Variants in TSPAN9 observed in about 807,000 individuals in gnomAD.
TSPAN9 encodes the protein tetraspanin-9.
A neutral mutation model predicts 31.0 loss-of-function variants in TSPAN9; 16 were observed. The observed-to-expected ratio is 0.52, with a 90% CI of 0.35 to 0.78. TSPAN9 has a LOEUF of 0.78. Among genes scored for constraint, TSPAN9 ranks in the 30% least tolerant of loss-of-function variants. The probability of loss-of-function intolerance (pLI) is 0.01; values close to 1 mark genes in which losing one functional copy is unlikely to be tolerated. For synonymous variants in TSPAN9, 145 were observed against 121.6 expected (o/e 1.19, Z -1.27); for missense variants, 272 against 312.5 (o/e 0.87, Z 0.98).
At chr12:3,184,926 C>G (rs1316532242) in intron 2 of TSPAN9, among the ~76,000 whole-genome samples, 1 of 152,148 alleles carries the variant, frequency 6.6e-6, no homozygotes, top group Non-Finnish European at 1.5e-5. Flanking sequence ...GGTGCAATGG[C>G]AGACTTCCTC....
chr12:3,079,104 C>T (rs7960511), intron 1 of TSPAN9, among the ~76,000 whole-genome samples: 149,011 of 152,020 alleles, frequency 0.98, 73,071 homozygotes, highest in Middle Eastern at 1. Flanking sequence ...CTCAGCCTCC[C>T]GAGTAGCTGG....
At chr12:3,270,730 G>T (rs572153628) in intron 3 of TSPAN9, among the ~76,000 whole-genome samples, 92 of 152,380 alleles carry the variant, frequency 6.0e-4, no homozygotes, top group Non-Finnish European at 1.2e-3. Context: ...CCCCTGGAGG[G>T]GGGTAGGGGC....
At chr12:3,247,315 C>G (rs1338535837) in intron 3 of TSPAN9, among the ~76,000 whole-genome samples, 2 of 111,494 alleles carry the variant, frequency 1.8e-5, no homozygotes, top group South Asian at 4.3e-4. Flanking sequence ...CCCCCCCCGC[C>G]ACCCGCGTCC....
intron 3 of TSPAN9, among the ~76,000 whole-genome samples, chr12:3,213,617 G>A (rs1238210030): frequency 2.0e-5 from 3 of 152,146 alleles, no homozygotes; most frequent in African/African-American, 7.2e-5. Context: ...GAGAGCTGCA[G>A]CGAAGCCCCC....
At chr12:3,140,558 C>G (rs1435956873) in intron 2 of TSPAN9, among the ~76,000 whole-genome samples, 1 of 152,066 alleles carries the variant, frequency 6.6e-6, no homozygotes, top group Admixed American at 6.6e-5. Context: ...TTCTTAGGAG[C>G]AGCTGAAGGG....
At chr12:3,114,394 C>G (rs2098320991) in intron 2 of TSPAN9, among the ~76,000 whole-genome samples, 2 of 152,140 alleles carry the variant, frequency 1.3e-5, no homozygotes, top group African/African-American at 4.8e-5. Flanking sequence ...GGCCCACAGA[C>G]TGTAGTTTGC....
chr12:3,127,123 A>T (rs2098327679), intron 2 of TSPAN9, among the ~76,000 whole-genome samples: 1 of 151,298 alleles, frequency 6.6e-6, no homozygotes, highest in African/African-American at 2.4e-5. Context: ...TTTTCTGGCC[A>T]GGTGTGGAGG....
At chr12:3,281,542 G>T (rs1047608052) in intron 7 of TSPAN9, among the ~76,000 whole-genome samples, 192 bp from the exon 8 acceptor site, 2 of 152,174 alleles carry the variant, frequency 1.3e-5, no homozygotes, top group Admixed American at 6.5e-5. Flanking sequence ...GGGTTGAATG[G>T]GGTCTGAGGC....
At chr12:3,106,043 C>A (rs1354313740) in intron 2 of TSPAN9, among the ~76,000 whole-genome samples, 1 of 151,910 alleles carries the variant, frequency 6.6e-6, no homozygotes, top group Admixed American at 6.6e-5. Flanking sequence ...ACTCCATCCT[C>A]ACCCCATGTG....
intron 3 of TSPAN9, among the ~76,000 whole-genome samples, chr12:3,230,398 C>CCCCTGCCTGCATCTCACCGTCTCCTTTTT (rs1486566348): frequency 6.6e-6 from 1 of 152,126 alleles, no homozygotes; most frequent in East Asian, 1.9e-4. Flanking sequence ...GAGCCTGACT[C>CCCCTGCCTGCATCTCACCGTCTCCTTTTT]CCCTGCCTGC....
chr12:3,109,299 T>TGTGTGTGTGTGTGAGAGAGAGA (rs1274383200), intron 2 of TSPAN9, among the ~76,000 whole-genome samples: 17 of 118,272 alleles, frequency 1.4e-4, no homozygotes, highest in African/African-American at 7.8e-4. Flanking sequence ...TGTGTGTGTG[T>TGTGTGTGTGTGTGAGAGAGAGA]GAGAGAGAGT....
intron 2 of TSPAN9, among the ~76,000 whole-genome samples, chr12:3,111,020 G>A (rs553798827): frequency 1.6e-4 from 24 of 152,330 alleles, no homozygotes; most frequent in Middle Eastern, 6.8e-3. Flanking sequence ...GCCGTAGACC[G>A]TAGTTCTTGT....
intron 3 of TSPAN9, among the ~76,000 whole-genome samples, chr12:3,224,771 G>A (rs2098386305): frequency 6.6e-6 from 1 of 152,332 alleles, no homozygotes; most frequent in South Asian, 2.1e-4. Flanking sequence ...ACGTCAGCAC[G>A]GGCCCCCTGA....
chr12:3,214,890 TC>T (rs142213448), intron 3 of TSPAN9, among the ~76,000 whole-genome samples: 2 of 151,452 alleles, frequency 1.3e-5, no homozygotes, highest in Non-Finnish European at 2.9e-5. Context: ...TCTTCCTCCT[TC>T]CCCCCATCCC....
At chr12:3,183,113 G>A (rs982157433) in intron 2 of TSPAN9, among the ~76,000 whole-genome samples, 6 of 152,184 alleles carry the variant, frequency 3.9e-5, no homozygotes, top group Non-Finnish European at 8.8e-5. Context: ...ACCCGCGGTG[G>A]CCAAGTGCTC....
At position 3,165,714 on chromosome 12, in the gene TSPAN9, C is replaced by T. The variant is rs186064955; in HGVS notation, c.-17-35463C>T. The stretch of plus-strand genomic sequence containing the variant: ...GGCCGCGAGTGAGCTGTAGGCAGTC[C>T]GTCTGTGTCTTTGTGAGGCGCCCGT... On this transcript the variant is annotated intron_variant, in intron 2 of 8. Coordinates refer to ENST00000011898, the MANE Select transcript of TSPAN9 (RefSeq NM_006675.5). Among the ~76,000 whole-genome samples, 82 of 152,208 alleles carry T rather than the reference C, an allele frequency of 5.4e-4. 1 individual carries two copies. The highest frequency in any genetic ancestry group is 1.8e-3 in the African/African-American group (75 of 41,528).
At chr12:3,178,324 C>G (rs140136191) in intron 2 of TSPAN9, among the ~76,000 whole-genome samples, 32 of 149,636 alleles carry the variant, frequency 2.1e-4, no homozygotes, top group Non-Finnish European at 8.9e-5. Context: ...TTGTTTCGCT[C>G]TTGTTGCCCA....
Position 3,201,247 on chromosome 12 carries a change from G to A in TSPAN9, c.54G>A (p.Leu18=), listed in dbSNP as rs2098371542. ...CLKYMMFLFN[L]IFWLCGCGLL... ...AGTACATGATGTTCCTCTTCAATTT[G>A]ATATTCTGGGTAAGTCCTTCCGTTT... Residue 18 remains leucine, a synonymous_variant, in exon 3 of 9, where the codon TTG becomes TTA. Transcript: ENST00000011898. The A allele has an allele frequency of 6.2e-7, 1 of 1,614,082 alleles. No individual in the cohort carries two copies.
Position 3,109,268 on chromosome 12 carries a change from CTGTGTGTGTG to C in TSPAN9, c.-18+25572_-18+25581del, listed in dbSNP as rs1226380985. Among the ~76,000 whole-genome samples the C allele has an allele frequency of 5.9e-5, 7 of 119,358 alleles. No homozygotes were observed. In the East Asian group the frequency reaches 1.0e-3, roughly 18 times the overall value. 78.3% of individuals were successfully genotyped at this position (119,358 alleles called of 152,430 possible). A position where few individuals can be genotyped will look rare whatever the true frequency, so the allele number is the denominator to read the frequency against. ...AGGATTCTTTACTGTTTCATATAGT[CTGTGTGTGTG>C]TGTGTGTGTGTGTGTGTGTGTGAGA... On this transcript the variant is annotated intron_variant, in intron 2 of 8. Coordinates refer to ENST00000011898, the MANE Select transcript of TSPAN9 (RefSeq NM_006675.5).
Sources: gnomAD v4.1 joint callset for allele counts (sites outside exome capture counted in the v4.1 genomes callset) on GRCh38, gnomAD v4.1.1 for gene constraint, MANE v1.5 for transcripts, NCBI Gene and HGNC (gene_info 2026-07-23, HGNC 2026-07-21) for gene names.